Variants in TM2D3 observed in about 807,000 individuals in gnomAD.
TM2D3 encodes TM2 domain-containing protein 3.
TM2D3 carries 33 observed loss-of-function variants against 27.3 expected under a neutral mutation model. That is an observed-to-expected ratio of 1.21 (90% CI 0.92 to 1.61). The LOEUF (loss-of-function observed/expected upper bound fraction) is 1.61, where lower values mean the gene tolerates loss of function less well. TM2D3 is among the 40% of genes most tolerant of loss of function. TM2D3 has a pLI of 0.00. For missense variants in TM2D3, 364 were observed against 320.8 expected (o/e 1.13, Z -1.03); for synonymous variants, 138 against 122.2 (o/e 1.13, Z -0.85).
At chr15:101,641,570 C>T (rs1896669652), downstream of TM2D3, among the ~76,000 whole-genome samples, 1 of 152,180 alleles carries the variant, frequency 6.6e-6, no homozygotes, top group African/African-American at 2.4e-5. Context: ...CAGATACCCA[C>T]ATTTGAAAGA....
At chr15:101,648,959 A>T (rs1896894840) in intron 3 of TM2D3, among the ~76,000 whole-genome samples, 1 of 152,244 alleles carries the variant, frequency 6.6e-6, no homozygotes, top group South Asian at 2.1e-4. Flanking sequence ...ATCGCCTACA[A>T]GAGGTTGATC....
chr15:101,650,292 G>A, intron 2 of TM2D3, 131 bp from the exon 3 acceptor site: 1 of 894,746 alleles, frequency 1.1e-6, no homozygotes, highest in Non-Finnish European at 1.6e-6. Context: ...GCATGGGACT[G>A]GAGTCAGAGA....
intron 4 of TM2D3, chr15:101,633,917 AT>A (rs1896501079): frequency 2.2e-6 from 1 of 450,544 alleles, no homozygotes; most frequent in African/African-American, 2.0e-5. Flanking sequence ...CCTGACAAGA[AT>A]TTTAAAGCAA....
At chr15:101,643,777 T>C (rs1896733552) in intron 5 of TM2D3, among the ~76,000 whole-genome samples, 2 of 152,218 alleles carry the variant, frequency 1.3e-5, no homozygotes, top group African/African-American at 2.4e-5. Flanking sequence ...TAAATTAAAA[T>C]TATTCCAAGT....
At chr15:101,640,270 C>G (rs529190052), downstream of TM2D3, among the ~76,000 whole-genome samples, 3 of 152,236 alleles carry the variant, frequency 2.0e-5, no homozygotes, top group Non-Finnish European at 4.4e-5. Context: ...GAGGGTGGAG[C>G]TCTCAGGATT....
At chr15:101,652,141 A>T (rs1050167828) in intron 1 of TM2D3, 130 bp downstream of exon 1, 16 of 888,604 alleles carry the variant, frequency 1.8e-5, no homozygotes, top group Non-Finnish European at 2.6e-5. Flanking sequence ...TGCAGCGACA[A>T]GCGGCCCGGA....
Position 101,647,906 on chromosome 15 carries a change from T to C in TM2D3, c.328-1007A>G, listed in dbSNP as rs189260421. 2.9e-3 allele frequency among the ~76,000 whole-genome samples: 437 copies of C among 152,236 alleles called. 2 individuals carry two copies. The highest frequency in any genetic ancestry group is 9.9e-3 in the African/African-American group (413 of 41,538). On this transcript the variant is annotated intron_variant, in intron 3 of 5. Transcript: ENST00000333202. ...ATACACATACACACATTATTTTTTT[T>C]TCTTTTTTTGAGATGGAGTCTCGCT...
chr15:101,651,753 GAGC>G lies in TM2D3; in HGVS notation c.109_111del (p.Ala37del), dbSNP rs1397401282. On this transcript the variant is annotated inframe_deletion, in exon 2 of 6. Transcript: ENST00000333202. The stretch of plus-strand genomic sequence containing the variant: ...GTTGGGCCCGGATCCTTTATTGACT[GAGC>G]CAGCGCCTGCGATTGCTCTAAATTT... 1.2e-6 allele frequency: 2 copies of G among 1,614,076 alleles called. No individual in the cohort carries two copies. Among genetic ancestry groups the G allele is most frequent in the African/African-American group, 2.7e-5 (2 of 74,924 alleles).
intron 5 of TM2D3, among the ~76,000 whole-genome samples, chr15:101,643,303 T>C (rs1896715370): frequency 6.6e-6 from 1 of 152,110 alleles, no homozygotes; most frequent in Admixed American, 6.5e-5. Context: ...ACAGTGATGA[T>C]TTTAAAAGAA....
chr15:101,651,608 T>C (rs1896970207), intron 2 of TM2D3, 88 bp downstream of exon 2: 3 of 1,302,630 alleles, frequency 2.3e-6, no homozygotes, highest in Non-Finnish European at 3.3e-6. Flanking sequence ...GAAAGTGACT[T>C]CGTATACTAA....
At chr15:101,648,505 C>G (rs1193924469) in intron 3 of TM2D3, among the ~76,000 whole-genome samples, 7 of 152,102 alleles carry the variant, frequency 4.6e-5, no homozygotes, top group Admixed American at 3.3e-4. Flanking sequence ...GTACATGGAA[C>G]ACATGTCAAG....
exon 5 of TM2D3, chr15:101,633,152 T>G (rs1477908495): frequency 6.6e-6 from 1 of 152,274 alleles, no homozygotes; most frequent in South Asian, 2.1e-4. Context: ...CCAGCAGAAC[T>G]GCCTTAAAAA....
At chr15:101,638,694 A>G (rs928458368), downstream of TM2D3, among the ~76,000 whole-genome samples, 1 of 151,970 alleles carries the variant, frequency 6.6e-6, no homozygotes, top group South Asian at 2.1e-4. Flanking sequence ...TGTATTCACA[A>G]TTTTTTGACG....
downstream of TM2D3, among the ~76,000 whole-genome samples, chr15:101,637,778 C>T (rs1896581259): frequency 2.0e-5 from 3 of 152,030 alleles, no homozygotes; most frequent in Non-Finnish European, 2.9e-5. Flanking sequence ...AACTACGTTG[C>T]GCAGGCAGGT....
chr15:101,651,525 ACTAT>A lies in TM2D3; in HGVS notation c.169+167_169+170del, dbSNP rs1202235404. ...AACGTCAAAAGGTATAAATACGAAGACTATCTACTGAAAATGGCTGTGTATCTAC... is the reference window on the plus strand; with the variant it reads ...AACGTCAAAAGGTATAAATACGAAGACTACTGAAAATGGCTGTGTATCTAC... On this transcript the variant is annotated intron_variant, in intron 2 of 5. Coordinates refer to ENST00000333202, the MANE Select transcript of TM2D3 (RefSeq NM_078474.3). The A allele has an allele frequency of 5.2e-5, 32 of 613,544 alleles. 1 individual carries two copies. The highest frequency in any genetic ancestry group is 8.9e-4 in the Middle Eastern group (2 of 2,248). 38.0% of individuals were successfully genotyped at this position (613,544 alleles called of 1,614,324 possible).
At chr15:101,645,338 A>C (rs938627008) in intron 4 of TM2D3, 176 bp from the exon 5 acceptor site, 34 of 604,272 alleles carry the variant, frequency 5.6e-5, no homozygotes, top group Non-Finnish European at 7.8e-5. Context: ...TGTAATATTT[A>C]AATCAGCTAA....
At chr15:101,639,056 C>T (rs1051476570), downstream of TM2D3, among the ~76,000 whole-genome samples, 5 of 152,192 alleles carry the variant, frequency 3.3e-5, no homozygotes, top group African/African-American at 2.4e-5. Flanking sequence ...TCCATCAAAG[C>T]GTATTTTGCA....
In TM2D3 at chr15:101,642,047, C is replaced by A; in HGVS notation, c.*432G>T. The stretch of plus-strand genomic sequence containing the variant: ...CCTAATAACTTCAATTAGCCAACAA[C>A]AGAAACACTCCCACTTCCTGCAGTC... On this transcript the variant is annotated 3_prime_UTR_variant, in exon 6 of 6. Transcript: ENST00000333202. 1 of 986,738 alleles carries A rather than the reference C, an allele frequency of 1.0e-6. No individual in the cohort carries two copies. The highest frequency in any genetic ancestry group is 5.2e-4 in the Middle Eastern group (1 of 1,914). 61.1% of individuals were successfully genotyped at this position (986,738 alleles called of 1,614,324 possible).
chr15:101,647,323 A>G (rs1178261615), intron 3 of TM2D3, among the ~76,000 whole-genome samples: 1 of 152,218 alleles, frequency 6.6e-6, no homozygotes, highest in Non-Finnish European at 1.5e-5. Context: ...AAGGTCACTG[A>G]GCTTCAAGTG....
Sources: allele counts gnomAD v4.1 joint callset (sites outside exome capture counted in the v4.1 genomes callset), GRCh38; gene constraint gnomAD v4.1.1; transcripts MANE v1.5; gene names NCBI Gene and HGNC (gene_info 2026-07-23, HGNC 2026-07-21).